EVA1C: variants seen among roughly 807,000 people sequenced by gnomAD.
EVA1C encodes eva-1 homolog C.
A neutral mutation model predicts 45.4 loss-of-function variants in EVA1C; 25 were observed. That is an observed-to-expected ratio of 0.55 (90% CI 0.40 to 0.77). EVA1C has a LOEUF of 0.77. Ranked by LOEUF, EVA1C falls within the 30% of genes least tolerant of loss-of-function variation. EVA1C has a pLI of 0.00. For synonymous variants in EVA1C, 190 were observed against 221.2 expected (o/e 0.86, Z 1.25); for missense variants, 479 against 554.8 (o/e 0.86, Z 1.37).
intron 4 of EVA1C, among the ~76,000 whole-genome samples, chr21:32,484,742 G>C (rs2036913326): frequency 6.6e-6 from 1 of 151,826 alleles, no homozygotes; most frequent in Non-Finnish European, 1.5e-5. Context: ...CTCTCTTCTG[G>C]ACAGGCACCT....
upstream of EVA1C, chr21:32,412,113 C>G (rs1197175415): frequency 6.6e-6 from 1 of 152,334 alleles, no homozygotes; most frequent in Non-Finnish European, 1.5e-5. Flanking sequence ...TTTGAGACCT[C>G]CAGCTCGTCG....
intron 1 of EVA1C, among the ~76,000 whole-genome samples, chr21:32,443,210 T>A (rs2035245095): frequency 6.6e-6 from 1 of 152,194 alleles, no homozygotes; most frequent in Admixed American, 6.5e-5. Context: ...TTCAGCATTG[T>A]ACCAATGGAA....
At chr21:32,446,022 T>A (rs1311809186) in intron 1 of EVA1C, among the ~76,000 whole-genome samples, 3 of 151,978 alleles carry the variant, frequency 2.0e-5, no homozygotes, top group East Asian at 3.9e-4. Flanking sequence ...GGCGGGAGGA[T>A]CACCTGAGGT....
chr21:32,455,640 A>AT (rs1441411124), intron 2 of EVA1C, among the ~76,000 whole-genome samples: 1 of 152,020 alleles, frequency 6.6e-6, no homozygotes, highest in Non-Finnish European at 1.5e-5. Flanking sequence ...CAGTACCAAC[A>AT]TTTTTTTAAA....
intron 3 of EVA1C, among the ~76,000 whole-genome samples, chr21:32,463,336 C>T (rs1403609039): frequency 6.6e-6 from 1 of 152,202 alleles, no homozygotes; most frequent in African/African-American, 2.4e-5. Flanking sequence ...GCTGCCCACA[C>T]CTTCTCTAAT....
chr21:32,508,707 C>T (rs190390673), intron 7 of EVA1C, among the ~76,000 whole-genome samples: 13 of 152,340 alleles, frequency 8.5e-5, no homozygotes, highest in Admixed American at 6.5e-4. Context: ...ACTGCTGCCT[C>T]GATCCTCTCA....
At chr21:32,419,945 A>G (rs1204919863) in intron 1 of EVA1C, among the ~76,000 whole-genome samples, 1 of 152,182 alleles carries the variant, frequency 6.6e-6, no homozygotes, top group African/African-American at 2.4e-5. Context: ...TGAAGATTTT[A>G]GTACTGGAAA....
rs1056480232 is a variant in EVA1C at position 32,460,960 on chromosome 21, G to C, written c.481+3240G>C. 5.9e-5 allele frequency among the ~76,000 whole-genome samples: 9 copies of C among 152,290 alleles called. No individual in the cohort carries two copies. In the East Asian group the frequency reaches 1.5e-3, roughly 26 times the overall value. ...AGGGTTTCACCATGTTGGCCAGGCT[G>C]GTCTTGAACTCCTGACCTCAAGTGA... is the stretch of plus-strand genomic sequence containing the variant. On this transcript the variant is annotated intron_variant, in intron 3 of 7. Transcript: ENST00000300255.
intron 4 of EVA1C, among the ~76,000 whole-genome samples, chr21:32,472,686 C>A (rs545149355): frequency 1.1e-4 from 17 of 152,118 alleles, no homozygotes; most frequent in African/African-American, 3.9e-4. Flanking sequence ...TTAGCAGATC[C>A]CATGGCCTAA....
At chr21:32,422,405 A>G (rs1265175938) in intron 1 of EVA1C, among the ~76,000 whole-genome samples, 1 of 152,226 alleles carries the variant, frequency 6.6e-6, no homozygotes, top group African/African-American at 2.4e-5. Context: ...AAGTAGGGAA[A>G]AGGAGAGAGA....
chr21:32,512,079 A>G (rs1206544430), intron 7 of EVA1C, among the ~76,000 whole-genome samples: 1 of 152,166 alleles, frequency 6.6e-6, no homozygotes, highest in African/African-American at 2.4e-5. Flanking sequence ...TAGAGACGGA[A>G]AATAAAACTA....
chr21:32,434,630 AAAAT>A (rs1462585189), intron 1 of EVA1C, among the ~76,000 whole-genome samples: 2 of 144,746 alleles, frequency 1.4e-5, no homozygotes, highest in East Asian at 4.0e-4. Context: ...ATAAATAAAT[AAAAT>A]TTTATATATA....
rs1436452416 is a variant in EVA1C, at chr21:32,412,747, C to G, written c.-107C>G. Reference sequence around the variant, plus strand: ...CCTGGGCAGGGAGGCGGCGGGGGGCCGCGGAGCCGCTGGCCATCGATTCTC... The same window carrying G: ...CCTGGGCAGGGAGGCGGCGGGGGGCGGCGGAGCCGCTGGCCATCGATTCTC... On this transcript the variant is annotated 5_prime_UTR_variant, in exon 1 of 8. Coordinates refer to ENST00000300255, the MANE Select transcript of EVA1C (RefSeq NM_058187.5). 8.5e-7 allele frequency: 1 copy of G among 1,170,536 alleles called. No homozygotes were observed. The highest frequency in any genetic ancestry group is 1.1e-6 in the Non-Finnish European group (1 of 907,164). The allele number at this position is 1,170,536 out of a possible 1,614,324, so 72.5% of individuals were successfully genotyped here.
intron 3 of EVA1C, among the ~76,000 whole-genome samples, chr21:32,464,979 G>A (rs947219670): frequency 2.6e-5 from 4 of 152,164 alleles, no homozygotes; most frequent in Admixed American, 6.5e-5. Flanking sequence ...TAAGGTGGGC[G>A]TTTTCAAATT....
intron 4 of EVA1C, among the ~76,000 whole-genome samples, chr21:32,476,199 T>C (rs1039933732): frequency 1.3e-5 from 2 of 152,078 alleles, no homozygotes; most frequent in African/African-American, 2.4e-5. Context: ...CTTGGCAGAG[T>C]AGGGATAGTA....
At chr21:32,449,615 GTT>G (rs1457869397) in intron 1 of EVA1C, among the ~76,000 whole-genome samples, 3 of 149,186 alleles carry the variant, frequency 2.0e-5, no homozygotes, top group Admixed American at 6.7e-5. Flanking sequence ...TTCGTTTTTT[GTT>G]TTTTGTTTTG....
chr21:32,511,243 C>T lies in EVA1C; in HGVS notation c.950-3571C>T, dbSNP rs551751057. On this transcript the variant is annotated intron_variant, in intron 7 of 7. Coordinates refer to ENST00000300255, the MANE Select transcript of EVA1C (RefSeq NM_058187.5). ...CCAGCCTGGCCAACATGGCAAACCCCGTCTCTACTAAAAATACAAAAATTA... is the reference window on the plus strand; with the variant it reads ...CCAGCCTGGCCAACATGGCAAACCCTGTCTCTACTAAAAATACAAAAATTA... 3.8e-4 allele frequency among the ~76,000 whole-genome samples: 58 copies of T among 151,786 alleles called. No individual in the cohort carries two copies. The South Asian group carries it at 0.011, about 28-fold the overall frequency.
Position 32,478,771 on chromosome 21 carries a change from G to A in EVA1C, c.634+10923G>A, listed in dbSNP as rs184885713. 1.9e-3 allele frequency among the ~76,000 whole-genome samples: 284 copies of A among 152,378 alleles called. 1 individual carries two copies. Among genetic ancestry groups the A allele is most frequent in the African/African-American group, 6.7e-3 (278 of 41,594 alleles). On this transcript the variant is annotated intron_variant, in intron 4 of 7. Transcript: ENST00000300255. The stretch of plus-strand genomic sequence containing the variant: ...TGTGCCCCCTGTCTGGGCATCCACT[G>A]TGGTGCATAATTTCCCGCTGTGGTT...
chr21:32,422,407 G>A (rs1479419282), intron 1 of EVA1C, among the ~76,000 whole-genome samples: 1 of 152,164 alleles, frequency 6.6e-6, no homozygotes, highest in East Asian at 1.9e-4. Flanking sequence ...GTAGGGAAAA[G>A]GAGAGAGAGG....
Sources: allele counts gnomAD v4.1 joint callset (sites outside exome capture counted in the v4.1 genomes callset), GRCh38; gene constraint gnomAD v4.1.1; transcripts MANE v1.5; gene names NCBI Gene and HGNC (gene_info 2026-07-23, HGNC 2026-07-21).